DRC8: variants seen among roughly 807,000 people sequenced by gnomAD.
DRC8 encodes dynein regulatory complex subunit 8.
At chr1:245,017,171 TG>T in the DRC8 span, 1 of 1,416,354 alleles carries the variant, frequency 7.1e-7, no homozygotes, top group South Asian at 1.4e-5. Flanking sequence ...ATTGCTAGTC[TG>T]GTTATTAGAA....
chr1:245,120,363 T>A, the DRC8 span, among the ~76,000 whole-genome samples: 2 of 152,206 alleles, frequency 1.3e-5, no homozygotes, highest in African/African-American at 4.8e-5. Context: ...ACCTCATCGA[T>A]CTCAATGTCT....
the DRC8 span, among the ~76,000 whole-genome samples, chr1:245,048,099 G>A: frequency 6.6e-6 from 1 of 152,210 alleles, no homozygotes; most frequent in Admixed American, 6.5e-5. Flanking sequence ...GGAGGAGGAA[G>A]AGGGGTTGGT....
chr1:244,993,556 A>T, the DRC8 span, among the ~76,000 whole-genome samples: 1 of 152,230 alleles, frequency 6.6e-6, no homozygotes, highest in Non-Finnish European at 1.5e-5. Flanking sequence ...AAAAGGTAAC[A>T]TCCACAGACA....
the DRC8 span, chr1:245,123,410 G>A: frequency 5.9e-5 from 9 of 152,756 alleles, no homozygotes; most frequent in Admixed American, 4.6e-4. This position sits in a 1 kb window ranked among gnomAD's most constrained non-coding sequence, Gnocchi z 5.0. Context: ...TAGAAAAACT[G>A]AGGCAGGAAA....
the DRC8 span, among the ~76,000 whole-genome samples, chr1:245,001,829 G>T: frequency 6.6e-6 from 1 of 151,844 alleles, no homozygotes; most frequent in Non-Finnish European, 1.5e-5. Context: ...TTTTTCTCTT[G>T]GTTCTGCCAA....
chr1:245,086,476 C>T, the DRC8 span, among the ~76,000 whole-genome samples: 1 of 152,184 alleles, frequency 6.6e-6, no homozygotes, highest in Non-Finnish European at 1.5e-5. Flanking sequence ...ATCAAACACA[C>T]TAGTTTGAGA....
At chr1:244,986,984 A>G in the DRC8 span, among the ~76,000 whole-genome samples, 1 of 152,134 alleles carries the variant, frequency 6.6e-6, no homozygotes, top group African/African-American at 2.4e-5. Flanking sequence ...TCTAAGGTCC[A>G]TCCTCAAGTC....
chr1:245,103,664 AT>A, the DRC8 span, among the ~76,000 whole-genome samples: 2 of 150,036 alleles, frequency 1.3e-5, no homozygotes, highest in Non-Finnish European at 3.0e-5. Flanking sequence ...AGCATTGTTT[AT>A]TTCAGTCCTC....
At chr1:245,035,682 C>T in the DRC8 span, among the ~76,000 whole-genome samples, 12 of 119,586 alleles carry the variant, frequency 1.0e-4, no homozygotes, top group Non-Finnish European at 1.7e-4. Flanking sequence ...GCCTGGCCAA[C>T]GTGGTGAAAC....
At chr1:245,019,053 T>C in the DRC8 span, among the ~76,000 whole-genome samples, 1 of 152,272 alleles carries the variant, frequency 6.6e-6, no homozygotes, top group Admixed American at 6.5e-5. Context: ...CTGACAGCAA[T>C]GATGCCAGGC....
At chr1:244,978,306 C>T in the DRC8 span, among the ~76,000 whole-genome samples, 1 of 152,046 alleles carries the variant, frequency 6.6e-6, no homozygotes, top group African/African-American at 2.4e-5. Flanking sequence ...CCAGCCTGGC[C>T]AACACGGGAA....
chr1:245,035,785 G>A, the DRC8 span, among the ~76,000 whole-genome samples: 1 of 151,216 alleles, frequency 6.6e-6, no homozygotes, highest in Non-Finnish European at 1.5e-5. Flanking sequence ...GAGAATCGCT[G>A]GAACCTGGAA....
At chr1:245,052,526 ATCACTCTG>A in the DRC8 span, among the ~76,000 whole-genome samples, 1 of 152,226 alleles carries the variant, frequency 6.6e-6, no homozygotes, top group South Asian at 2.1e-4. Context: ...GGTTGATTCC[ATCACTCTG>A]TGGCGGGCAG....
At chr1:245,102,134 G>A in the DRC8 span, among the ~76,000 whole-genome samples, 2 of 152,174 alleles carry the variant, frequency 1.3e-5, no homozygotes, top group African/African-American at 4.8e-5. Context: ...GTTAAATGGA[G>A]ACCACAGAAA....
chr1:245,107,965 G>A, the DRC8 span, among the ~76,000 whole-genome samples: 12 of 152,102 alleles, frequency 7.9e-5, no homozygotes, highest in South Asian at 1.5e-3. Context: ...TTCCCACTCC[G>A]GGCTACCTCC....
chr1:245,016,038 A>G, the DRC8 span, among the ~76,000 whole-genome samples: 7 of 140,696 alleles, frequency 5.0e-5, no homozygotes, highest in Non-Finnish European at 1.1e-4. Flanking sequence ...CAATGGTGCA[A>G]TGGCGCAATC....
the DRC8 span, among the ~76,000 whole-genome samples, chr1:245,026,205 G>A: frequency 2.0e-5 from 3 of 152,010 alleles, no homozygotes; most frequent in Non-Finnish European, 2.9e-5. Context: ...GAGGCTCTTG[G>A]TATCCAATAT....
chr1:245,086,303 C>T, the DRC8 span, among the ~76,000 whole-genome samples: 1 of 152,136 alleles, frequency 6.6e-6, no homozygotes, highest in South Asian at 2.1e-4. Flanking sequence ...ATAACAGACC[C>T]ATCAGCTAAG....
At chr1:244,982,237 C>CA in the DRC8 span, among the ~76,000 whole-genome samples, 22 of 152,088 alleles carry the variant, frequency 1.4e-4, no homozygotes, top group Admixed American at 1.4e-3. Context: ...TGGCTTCCAA[C>CA]AAAAAATGAC....
Sources: allele counts gnomAD v4.1 joint callset (sites outside exome capture counted in the v4.1 genomes callset), GRCh38; gene constraint gnomAD v4.1.1; non-coding constraint Gnocchi (gnomAD v3.1); transcripts MANE v1.5; gene names NCBI Gene and HGNC (gene_info 2026-07-23, HGNC 2026-07-21).